SLC2A7: variants seen among roughly 807,000 people sequenced by gnomAD.
SLC2A7 encodes the protein solute carrier family 2 member 7, also known as solute carrier family 2, facilitated glucose transporter member 7.
Under a neutral mutation model 50.5 loss-of-function variants are expected in SLC2A7, and 50 were observed. The observed-to-expected ratio is 0.99, with a 90% CI of 0.79 to 1.25. SLC2A7 has a LOEUF of 1.25. Among genes scored for constraint, SLC2A7 ranks in the 50% most tolerant of loss-of-function variants. The pLI is 0.00. For missense variants in SLC2A7, 683 were observed against 679.1 expected (o/e 1.01, Z -0.06); for synonymous variants, 308 against 300.4 (o/e 1.03, Z -0.26).
At chr1:9,001,351 T>A (rs1640569285), downstream of SLC2A7, among the ~76,000 whole-genome samples, 1 of 151,246 alleles carries the variant, frequency 6.6e-6, no homozygotes, top group African/African-American at 2.4e-5. Flanking sequence ...AGCCTTATCA[T>A]CTCGAGTGAT....
chr1:9,018,658 G>A (rs1167055125), intron 4 of SLC2A7, among the ~76,000 whole-genome samples: 1 of 152,204 alleles, frequency 6.6e-6, no homozygotes, highest in African/African-American at 2.4e-5. Flanking sequence ...GCCTCCGTGT[G>A]TCCCTGGGAC....
Position 9,004,746 on chromosome 1 carries a change from A to C in SLC2A7, c.1320+6T>G. 6.2e-7 allele frequency: 1 copy of C among 1,613,730 alleles called. No homozygotes were observed. Among genetic ancestry groups the C allele is most frequent in the Non-Finnish European group, 8.5e-7 (1 of 1,179,786 alleles). ...GGAGCGGGTTGGGGAAGGGGCCCTC[A>C]CTCACCTGGATGGATGGGAACAGGA... On this transcript the variant is annotated splice_donor_region_variant and intron_variant, in intron 11 of 11. Coordinates refer to ENST00000400906, the MANE Select transcript of SLC2A7 (RefSeq NM_207420.3).
intron 3 of SLC2A7, 128 bp from the exon 4 acceptor site, chr1:9,019,461 AG>A: frequency 7.4e-7 from 1 of 1,356,126 alleles, no homozygotes; most frequent in Non-Finnish European, 9.9e-7. Flanking sequence ...GAGCTGAAGC[AG>A]GGGGCCGTGG....
chr1:9,023,168 A>T, intron 2 of SLC2A7, 90 bp from the exon 3 acceptor site: 2 of 1,425,458 alleles, frequency 1.4e-6, no homozygotes, highest in Non-Finnish European at 1.9e-6. Flanking sequence ...GTCATTGTAC[A>T]GAGAGGTTTT....
chr1:8,995,655 G>A, the SLC2A7 span, among the ~76,000 whole-genome samples: 1 of 152,120 alleles, frequency 6.6e-6, no homozygotes, highest in Non-Finnish European at 1.5e-5. Flanking sequence ...TGAGGCAGGA[G>A]AATCGCTTGA....
Position 9,007,381 on chromosome 1 carries a change from C to G in SLC2A7, c.1121G>C (p.Arg374Thr), listed in dbSNP as rs1182638063. 1.9e-6 allele frequency: 3 copies of G among 1,613,996 alleles called. No individual in the cohort carries two copies. The highest frequency in any genetic ancestry group is 2.7e-5 in the African/African-American group (2 of 74,938). The stretch of plus-strand genomic sequence containing the variant: ...GCCGAGGTAGGACAGCTCGGGGACC[C>G]TGTTCTGTGGGGAGAGGCAGGGCTG... ...VLTVVLLFQN[R>T]VPELSYLGII... The change falls in exon 10 of 12, where the codon AGG becomes ACG. Residue 374 changes from arginine (R) to threonine (T), a missense_variant. Arg to Thr is a moderately conservative substitution (Grantham distance 71). Transcript: ENST00000400906.
At position 9,013,584 on chromosome 1, in the gene SLC2A7, G is replaced by A. The variant is rs1216788404; in HGVS notation, c.955C>T (p.His319Tyr). Reference sequence around the variant, plus strand: ...GAGCCCACCGTTACATATTGGGAGTGAGCGGCCTCCACGCCCGCAGATGTG... The same window carrying A: ...GAGCCCACCGTTACATATTGGGAGTAAGCGGCCTCCACGCCCGCAGATGTG... The part of the protein sequence containing the change: ...IYTSAGVEAA[H>Y]SQYVTVGSGV... Residue 319 changes from histidine (H) to tyrosine (Y), a missense_variant, in exon 8 of 12, where the codon CAC (histidine) becomes TAC (tyrosine). By Grantham distance (83) the His-to-Tyr change is moderately conservative. Coordinates refer to ENST00000400906, the MANE Select transcript of SLC2A7 (RefSeq NM_207420.3). 1 of 1,614,112 alleles carries A rather than the reference G, an allele frequency of 6.2e-7. No homozygotes were observed. Among genetic ancestry groups the A allele is most frequent in the Admixed American group, 1.7e-5 (1 of 60,020 alleles).
chr1:9,014,924 A>T, intron 6 of SLC2A7, 56 bp from the exon 7 acceptor site: 1 of 1,524,132 alleles, frequency 6.6e-7, no homozygotes, highest in East Asian at 2.4e-5. Flanking sequence ...GCTGGGCCCC[A>T]AGCCCCCATG....
rs143044375 is a variant in SLC2A7, at chr1:9,025,033, G to C, written c.93C>G (p.Ala31=). Residue 31 remains alanine, a synonymous_variant, in exon 2 of 12, where the codon GCC becomes GCG. Coordinates refer to ENST00000400906, the MANE Select transcript of SLC2A7 (RefSeq NM_207420.3). ...AGCCGTACTGGAAGGCTGAGCCAAA[G>C]GCCGCGCTCAGTGTCGCCAGCAACA... ...PTLLLATLSA[A]FGSAFQYGYN... 2.3e-5 allele frequency: 37 copies of C among 1,613,828 alleles called. No homozygotes were observed. The highest frequency in any genetic ancestry group is 2.8e-5 in the Non-Finnish European group (33 of 1,180,024).
chr1:9,023,835 CTTCTTTTTTTTTTTTTTTTTTTTT>C (rs1640953723), intron 2 of SLC2A7, among the ~76,000 whole-genome samples: 2 of 65,998 alleles, frequency 3.0e-5, no homozygotes, highest in South Asian at 6.7e-4. Context: ...AAATATTCTT[CTTCTTTTTTTTTTTTTTTTTTTTT>C]TTTTTTTTTT....
chr1:8,997,703 T>G, the SLC2A7 span, among the ~76,000 whole-genome samples: 1 of 152,174 alleles, frequency 6.6e-6, no homozygotes, highest in Non-Finnish European at 1.5e-5. Flanking sequence ...CGGCCAGCTT[T>G]GAGACTTTCT....
At chr1:9,014,166 G>A (rs563042078) in intron 7 of SLC2A7, among the ~76,000 whole-genome samples, 2 of 152,302 alleles carry the variant, frequency 1.3e-5, no homozygotes, top group East Asian at 1.9e-4. Flanking sequence ...ACCTCTTCCC[G>A]ACACGCCACT....
downstream of SLC2A7, among the ~76,000 whole-genome samples, chr1:9,002,355 C>T (rs1182650930): frequency 2.0e-5 from 3 of 152,288 alleles, no homozygotes; most frequent in East Asian, 5.8e-4. Flanking sequence ...CGGTATAAAA[C>T]CCGAGCGTAC....
At chr1:9,009,697 G>A (rs11121292) in intron 9 of SLC2A7, among the ~76,000 whole-genome samples, 76,102 of 152,004 alleles carry the variant, frequency 0.5, 21,468 homozygotes, top group African/African-American at 0.76. Context: ...GGCTCAATGG[G>A]TCCTCCTGCC....
At chr1:9,024,865 T>C (rs2027222) in intron 2 of SLC2A7, 111 bp downstream of exon 2, 894,749 of 1,200,792 alleles carry the variant, frequency 0.75, 335,554 homozygotes, top group East Asian at 0.95. Context: ...GGCAAGATGG[T>C]GCCTCCTACA....
rs1436424746 is a variant in SLC2A7, at chr1:9,008,951, T to C, written c.1116+1192A>G. Among the ~76,000 whole-genome samples the C allele has an allele frequency of 6.6e-6, 1 of 152,218 alleles. No individual in the cohort carries two copies. Among genetic ancestry groups the C allele is most frequent in the Non-Finnish European group, 1.5e-5 (1 of 68,042 alleles). ...AGAAAGTTCTTTCCGAGGGAAACTT[T>C]AATTGATTTATGAGCATCACTAACA... On this transcript the variant is annotated intron_variant, in intron 9 of 11. Transcript: ENST00000400906. This position sits in a 1 kb window ranked among gnomAD's most constrained non-coding sequence, Gnocchi z 5.9.
chr1:9,026,399 T>C lies in SLC2A7; in HGVS notation c.-54A>G. The C allele has an allele frequency of 6.6e-7, 1 of 1,525,386 alleles. No individual in the cohort carries two copies. Among genetic ancestry groups the C allele is most frequent in the Non-Finnish European group, 8.9e-7 (1 of 1,126,552 alleles). The allele number at this position is 1,525,386 out of a possible 1,614,324, so 94.5% of individuals were successfully genotyped here. A position where few individuals can be genotyped will look rare whatever the true frequency, so the allele number is the denominator to read the frequency against. ...TCTACCTCCCAAGTGACACCTGCTC[T>C]GCGCCAGCCACCTAAAGACCGGCTG... On this transcript the variant is annotated 5_prime_UTR_variant, in exon 1 of 12. Transcript: ENST00000400906.
intron 5 of SLC2A7, among the ~76,000 whole-genome samples, chr1:9,016,590 C>G (rs534449273): frequency 6.9e-6 from 1 of 145,014 alleles, no homozygotes; most frequent in Non-Finnish European, 1.5e-5. Context: ...GCCTGGGTGA[C>G]AGAGTGAGAC....
chr1:9,010,745 C>T (rs1640737010), intron 8 of SLC2A7, among the ~76,000 whole-genome samples: 1 of 152,204 alleles, frequency 6.6e-6, no homozygotes, highest in Non-Finnish European at 1.5e-5. Flanking sequence ...TGCTCTTCAC[C>T]ACCACCCTTC....
Sources: gnomAD v4.1 joint callset for allele counts (sites outside exome capture counted in the v4.1 genomes callset) on GRCh38, gnomAD v4.1.1 for gene constraint, Gnocchi (gnomAD v3.1) non-coding constraint, MANE v1.5 for transcripts, NCBI Gene and HGNC (gene_info 2026-07-23, HGNC 2026-07-21) for gene names.